The following ZNF484 variants were observed in gnomAD, a reference collection of about 807,000 sequenced individuals.
ZNF484 encodes zinc finger protein 484, also known as KRAB box containing C2H2 type zinc finger bA526D8.4.
A neutral mutation model predicts 12.9 loss-of-function variants in ZNF484; 11 were observed. The observed-to-expected ratio is 0.85, with a 90% CI of 0.54 to 1.41. The LOEUF is 1.41. ZNF484 is among the 40% of genes most tolerant of loss of function. The probability of loss-of-function intolerance (pLI) is 0.00; values close to 1 mark genes in which losing one functional copy is unlikely to be tolerated. For synonymous variants in ZNF484, 289 were observed against 334.1 expected (o/e 0.86, Z 1.47); for missense variants, 807 against 1,007.7 (o/e 0.80, Z 2.70).
intron 3 of ZNF484, 108 bp downstream of exon 3, chr9:92,856,084 T>C (rs1321208995): frequency 1.3e-6 from 2 of 1,489,814 alleles, no homozygotes; most frequent in African/African-American, 2.8e-5. Flanking sequence ...CTGCAGTCTT[T>C]AGAAGTCCCA....
intron 3 of ZNF484, 54 bp from the exon 4 acceptor site, chr9:92,855,957 T>A (rs1856422419): frequency 6.3e-7 from 1 of 1,580,778 alleles, no homozygotes; most frequent in African/African-American, 1.4e-5. Flanking sequence ...CAATGAAGCA[T>A]TCCATTTTTT....
rs145197582 is a variant in ZNF484, at chr9:92,848,910, A to AAAATAAATAAAT, written c.236-371_236-360dup. ...GGTGACAGAGCAAGACTCTGTCTCCAAAATAAATAAATAAATAAATAAATA... is the reference window on the plus strand; with the variant it reads ...GGTGACAGAGCAAGACTCTGTCTCCAAAATAAATAAATAAATAAATAAATAAATAAATAAATA... On this transcript the variant is annotated intron_variant, in intron 4 of 4. Transcript: ENST00000375495. This position sits in a 1 kb window ranked among gnomAD's most constrained non-coding sequence, Gnocchi z 4.1. Among the ~76,000 whole-genome samples, 13 of 141,342 alleles carry AAAATAAATAAAT rather than the reference A, an allele frequency of 9.2e-5. No individual in the cohort carries two copies. Among genetic ancestry groups the AAAATAAATAAAT allele is most frequent in the African/African-American group, 1.3e-4 (5 of 37,420 alleles). 92.7% of individuals were successfully genotyped at this position (141,342 alleles called of 152,430 possible).
Position 92,848,417 on chromosome 9 carries a change from GT to G in ZNF484, c.369del (p.Glu123AspfsTer14). ...SILEELWKDD[E>X]HTRKCGENQN... Reference sequence around the variant, plus strand: ...TGGTTTTCTCCACATTTTCTTGTGTGTTCATCGTCTTTCCACAATTCTTCTA... The same window carrying G: ...TGGTTTTCTCCACATTTTCTTGTGTGTCATCGTCTTTCCACAATTCTTCTA... On this transcript the variant is annotated frameshift_variant, in exon 5 of 5. Transcript: ENST00000375495. LOFTEE classifies it low-confidence loss of function (END_TRUNC). The surrounding 1 kb of genome is among the most constrained non-coding windows in gnomAD (Gnocchi z 4.1). The G allele has an allele frequency of 6.2e-7, 1 of 1,614,092 alleles. No individual in the cohort carries two copies. Among genetic ancestry groups the G allele is most frequent in the Non-Finnish European group, 8.5e-7 (1 of 1,180,012 alleles).
chr9:92,849,716 A>G (rs1049134296), intron 4 of ZNF484, among the ~76,000 whole-genome samples: 1 of 152,102 alleles, frequency 6.6e-6, no homozygotes, highest in African/African-American at 2.4e-5. Context: ...ACTTGAGCCC[A>G]GGTGTTTGAA....
At chr9:92,876,720 G>A (rs1387382361) in intron 1 of ZNF484, among the ~76,000 whole-genome samples, 2 of 152,254 alleles carry the variant, frequency 1.3e-5, no homozygotes, top group African/African-American at 4.8e-5. Flanking sequence ...TTAAGTGTAT[G>A]TATGCCCATC....
At chr9:92,871,660 A>C (rs980703691) in intron 2 of ZNF484, among the ~76,000 whole-genome samples, 2 of 152,270 alleles carry the variant, frequency 1.3e-5, no homozygotes, top group Non-Finnish European at 2.9e-5. Flanking sequence ...AAATACAGAC[A>C]AAGAAAGAAT....
chr9:92,867,170 C>A (rs538377101), intron 2 of ZNF484, among the ~76,000 whole-genome samples: 3 of 152,174 alleles, frequency 2.0e-5, no homozygotes, highest in Admixed American at 2.0e-4. Context: ...ACTGGAGAAA[C>A]CCTGTCTCTA....
At chr9:92,860,398 C>G (rs1454124019) in intron 2 of ZNF484, among the ~76,000 whole-genome samples, 2 of 151,990 alleles carry the variant, frequency 1.3e-5, no homozygotes, top group Non-Finnish European at 2.9e-5. Context: ...GTCAGGAGAT[C>G]GAGACCATCC....
At chr9:92,870,173 G>A (rs1857346075) in intron 2 of ZNF484, among the ~76,000 whole-genome samples, 1 of 152,134 alleles carries the variant, frequency 6.6e-6, no homozygotes, top group Non-Finnish European at 1.5e-5. Flanking sequence ...GGGGCCTCAG[G>A]AACCAGGGAA....
intron 2 of ZNF484, among the ~76,000 whole-genome samples, chr9:92,870,892 A>G (rs933539494): frequency 1.3e-5 from 2 of 152,200 alleles, no homozygotes; most frequent in Non-Finnish European, 2.9e-5. Flanking sequence ...ACAGAGTTCA[A>G]GTAGGGAACC....
In ZNF484 at chr9:92,867,537, GTTGA is replaced by G. The variant is rs1399826315; in HGVS notation, c.15+7474_15+7477del. 4.6e-5 allele frequency among the ~76,000 whole-genome samples: 7 copies of G among 152,154 alleles called. No individual in the cohort carries two copies. The East Asian group carries it at 1.4e-3, about 29-fold the overall frequency. ...ACAAAAAAACAAACCTAGATGACAG[GTTGA>G]TAGATGCAGCAAACCACCATGGCAC... On this transcript the variant is annotated intron_variant, in intron 2 of 4. Coordinates refer to ENST00000375495, the MANE Select transcript of ZNF484 (RefSeq NM_031486.4).
chr9:92,870,529 TG>T (rs1438095750), intron 2 of ZNF484, among the ~76,000 whole-genome samples: 2 of 152,170 alleles, frequency 1.3e-5, no homozygotes, highest in African/African-American at 4.8e-5. Context: ...AAAAGCCAAC[TG>T]GGGAGCTGGG....
chr9:92,865,749 G>GA (rs893001377), intron 2 of ZNF484, among the ~76,000 whole-genome samples: 28 of 149,310 alleles, frequency 1.9e-4, no homozygotes, highest in Non-Finnish European at 3.9e-4. Flanking sequence ...TCTACAAAAA[G>GA]AAAAAAAAAA....
intron 2 of ZNF484, among the ~76,000 whole-genome samples, chr9:92,873,674 G>A (rs1270650784): frequency 6.6e-6 from 1 of 152,120 alleles, no homozygotes; most frequent in Non-Finnish European, 1.5e-5. Context: ...TATTGTGTGA[G>A]GCTATGATTT....
chr9:92,851,117 T>G (rs73520495), intron 4 of ZNF484, among the ~76,000 whole-genome samples: 2,287 of 152,338 alleles, frequency 0.015, 53 homozygotes, highest in African/African-American at 0.049. Flanking sequence ...ACTGAGTAAC[T>G]CTTTTTCACT....
At chr9:92,853,481 G>A (rs1329093566) in intron 4 of ZNF484, among the ~76,000 whole-genome samples, 4 of 152,178 alleles carry the variant, frequency 2.6e-5, no homozygotes, top group Non-Finnish European at 5.9e-5. Context: ...GCCAATGCCT[G>A]ACTGAGACAC....
intron 4 of ZNF484, among the ~76,000 whole-genome samples, chr9:92,854,436 G>A (rs1005313333): frequency 9.9e-5 from 15 of 152,120 alleles, no homozygotes; most frequent in African/African-American, 3.6e-4. Context: ...TCTCATTTCC[G>A]GCTGGGCGTG....
rs1855656761 is a variant in ZNF484, at chr9:92,846,938, A to G, written c.1849T>C (p.Phe617Leu). ...ACGTGGAGCTGTGATTTCTTAGTGA[A>G]GGATTTCCCACAAATACTGCATTCA... ...PYECSICGKS[F>L]TKKSQLHVHQ... The change falls in exon 5 of 5, where the codon TTC becomes CTC. Residue 617 changes from phenylalanine (F) to leucine (L), a missense_variant. By Grantham distance (22) the Phe-to-Leu change is conservative. Coordinates refer to ENST00000375495, the MANE Select transcript of ZNF484 (RefSeq NM_031486.4). The G allele has an allele frequency of 1.9e-6, 3 of 1,614,004 alleles. No homozygotes were observed. Among genetic ancestry groups the G allele is most frequent in the Non-Finnish European group, 2.5e-6 (3 of 1,179,990 alleles).
At position 92,877,750 on chromosome 9, in the gene ZNF484, C is replaced by T. The variant is rs188252608; in HGVS notation, c.-31+140G>A. ...GACCCCTCAGTGCCCCCTCACTCCTCCCTCAGATCCACCATCAGAGATCGC... is the reference window on the plus strand; with the variant it reads ...GACCCCTCAGTGCCCCCTCACTCCTTCCTCAGATCCACCATCAGAGATCGC... On this transcript the variant is annotated intron_variant, in intron 1 of 4. Transcript: ENST00000375495. 1.1e-4 allele frequency: 172 copies of T among 1,528,740 alleles called. 1 individual carries two copies. The East Asian group carries it at 4.1e-3, about 37-fold the overall frequency. The allele number at this position is 1,528,740 out of a possible 1,614,324, so 94.7% of individuals were successfully genotyped here.
Sources: allele counts gnomAD v4.1 joint callset (sites outside exome capture counted in the v4.1 genomes callset), GRCh38; gene constraint gnomAD v4.1.1; non-coding constraint Gnocchi (gnomAD v3.1); transcripts MANE v1.5; gene names NCBI Gene and HGNC (gene_info 2026-07-23, HGNC 2026-07-21).